Variants in PPP2R2B observed in about 807,000 individuals in gnomAD.
PPP2R2B encodes protein phosphatase 2 regulatory subunit Bbeta, also known as serine/threonine-protein phosphatase 2A 55 kDa regulatory subunit B beta isoform.
PPP2R2B carries 5 observed loss-of-function variants against 46.0 expected under a neutral mutation model. The observed-to-expected ratio is 0.11, with a 90% CI of 0.06 to 0.23. The LOEUF (loss-of-function observed/expected upper bound fraction) is 0.23, where lower values mean the gene tolerates loss of function less well. Among genes scored for constraint, PPP2R2B ranks in the 10% least tolerant of loss-of-function variants. PPP2R2B has a pLI of 1.00. For synonymous variants in PPP2R2B, 215 were observed against 206.7 expected, an observed-to-expected ratio of 1.04 and a Z score of -0.34; for missense variants, 367 against 575.0, an observed-to-expected ratio of 0.64 and a Z score of 3.70.
intron 1 of PPP2R2B, among the ~76,000 whole-genome samples, chr5:146,962,316 T>C (rs1025009793): frequency 1.3e-5 from 2 of 151,332 alleles, no homozygotes; most frequent in Non-Finnish European, 2.9e-5. Context: ...GTAGAAGAAT[T>C]TGGTAGACAG....
chr5:147,025,579 T>C (rs1485956892), intron 1 of PPP2R2B, among the ~76,000 whole-genome samples: 1 of 151,832 alleles, frequency 6.6e-6, no homozygotes, highest in Non-Finnish European at 1.5e-5. Flanking sequence ...CTGAACTTCA[T>C]CAAAATTAAA....
rs755977610 is a variant in PPP2R2B, at chr5:146,638,327, G to A, written c.714C>T (p.Phe238=). 1.1e-5 allele frequency: 18 copies of A among 1,613,838 alleles called. No homozygotes were observed. Among genetic ancestry groups the A allele is most frequent in the Admixed American group, 1.7e-5 (1 of 59,994 alleles). Residue 238 remains phenylalanine, a synonymous_variant, in exon 7 of 10, where the codon TTC becomes TTT. Transcript: ENST00000394411. ...AEFHPHHCNT[F]VYSSSKGTIR... Reference sequence around the variant, plus strand: ...TTGTCCCTTTGCTGCTGCTGTACACGAAGGTGTTGCAATGATGGGGGTGGA... The same window carrying A: ...TTGTCCCTTTGCTGCTGCTGTACACAAAGGTGTTGCAATGATGGGGGTGGA...
At chr5:146,860,022 G>A (rs1240528081) in intron 2 of PPP2R2B, among the ~76,000 whole-genome samples, 1 of 152,146 alleles carries the variant, frequency 6.6e-6, no homozygotes, top group African/African-American at 2.4e-5. Flanking sequence ...AAAGGTATAA[G>A]AGCAAAAACA....
Position 146,978,686 on chromosome 5 carries a change from G to T in PPP2R2B, c.79+76979C>A, listed in dbSNP as rs113850632. The stretch of plus-strand genomic sequence containing the variant: ...TCAAAAATCACATGGTTGTAGATGT[G>T]TGGTGTTATTCCTGAGGCCTTTTTT... On this transcript the variant is annotated intron_variant, in intron 1 of 8. Transcript: ENST00000336640. Among the ~76,000 whole-genome samples, 120 of 152,230 alleles carry T rather than the reference G, an allele frequency of 7.9e-4. 2 individuals are homozygous for T. In the Middle Eastern group the frequency reaches 0.01, roughly 13 times the overall value.
At chr5:146,859,562 G>T (rs1400837295) in intron 2 of PPP2R2B, among the ~76,000 whole-genome samples, 1 of 152,106 alleles carries the variant, frequency 6.6e-6, no homozygotes, top group Non-Finnish European at 1.5e-5. Context: ...GTGACATGCA[G>T]CTTATCTATC....
At chr5:146,666,942 T>G (rs1322669845) in intron 5 of PPP2R2B, among the ~76,000 whole-genome samples, 1 of 152,172 alleles carries the variant, frequency 6.6e-6, no homozygotes, top group East Asian at 1.9e-4. Context: ...GTTTTGAACT[T>G]GAATGTGATT....
At chr5:146,710,664 C>A (rs1780166012) in intron 2 of PPP2R2B, among the ~76,000 whole-genome samples, 1 of 152,210 alleles carries the variant, frequency 6.6e-6, no homozygotes, top group Non-Finnish European at 1.5e-5. Flanking sequence ...TTTCAAAAAG[C>A]AGAGGAGTAA....
At chr5:146,604,786 T>A (rs1013804556) in intron 7 of PPP2R2B, among the ~76,000 whole-genome samples, 3 of 152,208 alleles carry the variant, frequency 2.0e-5, no homozygotes, top group Non-Finnish European at 4.4e-5. Flanking sequence ...ATCATGCAGC[T>A]AGGCAGTGGT....
chr5:147,047,119 G>C (rs1353477197), intron 1 of PPP2R2B, among the ~76,000 whole-genome samples: 3 of 152,030 alleles, frequency 2.0e-5, no homozygotes, highest in Non-Finnish European at 4.4e-5. Flanking sequence ...CAGGCCCAGG[G>C]TTCTTCCTAT....
chr5:146,898,417 T>C (rs972597446), intron 1 of PPP2R2B, among the ~76,000 whole-genome samples: 1 of 152,064 alleles, frequency 6.6e-6, no homozygotes, highest in Non-Finnish European at 1.5e-5. Context: ...AACGGGCTAG[T>C]CACATGTAGA....
intron 2 of PPP2R2B, among the ~76,000 whole-genome samples, chr5:146,859,944 A>T (rs1760889106): frequency 6.6e-6 from 1 of 152,114 alleles, no homozygotes; most frequent in Non-Finnish European, 1.5e-5. Flanking sequence ...TTTACCTTGG[A>T]GAGATGAAGA....
chr5:146,813,135 G>C (rs1433334102), intron 2 of PPP2R2B, among the ~76,000 whole-genome samples: 1 of 150,666 alleles, frequency 6.6e-6, no homozygotes, highest in Non-Finnish European at 1.5e-5. Context: ...TATATATAGT[G>C]TGTGTGTGTA....
At chr5:146,844,626 A>T (rs954864109) in intron 2 of PPP2R2B, among the ~76,000 whole-genome samples, 1 of 152,196 alleles carries the variant, frequency 6.6e-6, no homozygotes, top group African/African-American at 2.4e-5. Flanking sequence ...TTTGAAAACA[A>T]ATTTAAGATT....
At chr5:146,807,594 T>C (rs1020277738) in intron 2 of PPP2R2B, among the ~76,000 whole-genome samples, 1 of 152,108 alleles carries the variant, frequency 6.6e-6, no homozygotes, top group African/African-American at 2.4e-5. Context: ...GAGTAGGTTC[T>C]ATTGTTATGT....
chr5:146,963,939 G>T (rs562964693), intron 1 of PPP2R2B, among the ~76,000 whole-genome samples: 1 of 152,126 alleles, frequency 6.6e-6, no homozygotes, highest in African/African-American at 2.4e-5. Flanking sequence ...TCATTCAGAA[G>T]GTTCTTACAA....
intron 1 of PPP2R2B, among the ~76,000 whole-genome samples, chr5:147,019,952 G>A (rs1391792182): frequency 6.6e-6 from 1 of 152,078 alleles, no homozygotes. Context: ...ACTAGATCTG[G>A]CCATTCCTTA....
chr5:146,901,886 G>A lies in PPP2R2B; in HGVS notation c.79+153779C>T, dbSNP rs139842249. Reference sequence around the variant, plus strand: ...CTCAAGATGGGAAAATGCTTGGAGCGTTCAGGAACTGAAACTGTGCCAAAG... The same window carrying A: ...CTCAAGATGGGAAAATGCTTGGAGCATTCAGGAACTGAAACTGTGCCAAAG... On this transcript the variant is annotated intron_variant, in intron 1 of 8. Transcript: ENST00000336640. Among the ~76,000 whole-genome samples, 1,018 of 152,304 alleles carry A rather than the reference G, an allele frequency of 6.7e-3. 31 individuals carry two copies. Among genetic ancestry groups the A allele is most frequent in the Admixed American group, 0.048 (728 of 15,276 alleles).
upstream of PPP2R2B, among the ~76,000 whole-genome samples, chr5:147,059,706 G>A (rs1046464358): frequency 1.3e-5 from 2 of 152,178 alleles, no homozygotes; most frequent in Non-Finnish European, 2.9e-5. Flanking sequence ...TCTGACAGTG[G>A]CAAACAAGCA....
At chr5:146,831,423 G>C (rs1032570647) in intron 2 of PPP2R2B, among the ~76,000 whole-genome samples, 3 of 147,784 alleles carry the variant, frequency 2.0e-5, no homozygotes, top group Non-Finnish European at 4.4e-5. Context: ...CTTGAACCCG[G>C]AAGACTGAGG....
Sources: gnomAD v4.1 joint callset for allele counts (sites outside exome capture counted in the v4.1 genomes callset) on GRCh38, gnomAD v4.1.1 for gene constraint, MANE v1.5 for transcripts, NCBI Gene and HGNC (gene_info 2026-07-23, HGNC 2026-07-21) for gene names.